Variants in TENM2 observed in about 807,000 individuals in gnomAD.
The protein encoded by TENM2 is teneurin transmembrane protein 2.
Under a neutral mutation model 245.2 loss-of-function variants are expected in TENM2, and 52 were observed. The observed-to-expected ratio is 0.21, with a 90% CI of 0.17 to 0.27. TENM2 has a LOEUF of 0.27. Among genes scored for constraint, TENM2 ranks in the 10% least tolerant of loss-of-function variants. The pLI is 1.00. For missense variants in TENM2, 3,046 were observed against 3,666.8 expected, an observed-to-expected ratio of 0.83 and a Z score of 4.37; for synonymous variants, 1,363 against 1,438.9, an observed-to-expected ratio of 0.95 and a Z score of 1.19.
At chr5:167,152,639 T>C in the TENM2 span, among the ~76,000 whole-genome samples, 1 of 152,304 alleles carries the variant, frequency 6.6e-6, no homozygotes, top group South Asian at 2.1e-4. Flanking sequence ...TCCCAGTTGA[T>C]ACTTGAAACC....
the TENM2 span, among the ~76,000 whole-genome samples, chr5:167,177,887 A>G: frequency 6.6e-6 from 1 of 152,220 alleles, no homozygotes; most frequent in East Asian, 1.9e-4. Context: ...GACGAACTGC[A>G]GCAGGTCCAT....
At chr5:168,148,522 A>G (rs1019890405) in intron 12 of TENM2, among the ~76,000 whole-genome samples, 3 of 152,214 alleles carry the variant, frequency 2.0e-5, no homozygotes, top group Non-Finnish European at 2.9e-5. Flanking sequence ...TTAGCTAAAA[A>G]CTGTTTAAAA....
intron 5 of TENM2, among the ~76,000 whole-genome samples, chr5:168,009,286 G>A (rs1785052393): frequency 6.6e-6 from 1 of 152,174 alleles, no homozygotes. Context: ...GAAGAAACTT[G>A]CCTTTTGATC....
At chr5:167,896,007 A>C (rs1032982675) in intron 3 of TENM2, among the ~76,000 whole-genome samples, 58 of 152,348 alleles carry the variant, frequency 3.8e-4, no homozygotes, top group African/African-American at 1.2e-3. Flanking sequence ...ACTTTAGTCT[A>C]GTTAATGGCA....
intron 7 of TENM2, among the ~76,000 whole-genome samples, chr5:168,081,827 T>A (rs1475285432): frequency 1.3e-5 from 2 of 152,228 alleles, no homozygotes; most frequent in Non-Finnish European, 2.9e-5. Flanking sequence ...CTTCTCTTTG[T>A]GGGTAACCAG....
chr5:167,973,970 C>G (rs1017506396), intron 4 of TENM2, among the ~76,000 whole-genome samples: 2 of 140,674 alleles, frequency 1.4e-5, no homozygotes, highest in African/African-American at 5.2e-5. Flanking sequence ...TTGAAGTTAA[C>G]CAGTGCCTCT....
At chr5:167,250,982 G>C in the TENM2 span, among the ~76,000 whole-genome samples, 1 of 152,070 alleles carries the variant, frequency 6.6e-6, no homozygotes, top group East Asian at 1.9e-4. Context: ...CAGGCAAATT[G>C]CTTCTCTCTT....
the TENM2 span, among the ~76,000 whole-genome samples, chr5:167,262,227 A>G: frequency 2.0e-5 from 3 of 152,104 alleles, no homozygotes; most frequent in Non-Finnish European, 4.4e-5. Context: ...GGGTGGTGGC[A>G]CATGCCTGTA....
At chr5:167,176,915 C>T in the TENM2 span, among the ~76,000 whole-genome samples, 1 of 152,192 alleles carries the variant, frequency 6.6e-6, no homozygotes, top group African/African-American at 2.4e-5. Context: ...ATCATTCCTT[C>T]TCACTTTCAG....
intron 5 of TENM2, among the ~76,000 whole-genome samples, chr5:167,998,339 T>G (rs1001657541): frequency 4.6e-5 from 7 of 152,250 alleles, no homozygotes; most frequent in African/African-American, 1.7e-4. Context: ...ATCATTGCTT[T>G]CTTGTCCTAG....
At chr5:168,105,009 A>C (rs190352960) in intron 9 of TENM2, among the ~76,000 whole-genome samples, 1 of 152,314 alleles carries the variant, frequency 6.6e-6, no homozygotes, top group African/African-American at 2.4e-5. Context: ...ATTAAAAGCA[A>C]GGGGGTAACA....
the TENM2 span, among the ~76,000 whole-genome samples, chr5:167,199,399 C>T: frequency 2.0e-5 from 3 of 152,014 alleles, no homozygotes; most frequent in African/African-American, 2.4e-5. Context: ...ATCAAATTTG[C>T]GGTCAACTTC....
intron 2 of TENM2, among the ~76,000 whole-genome samples, chr5:167,461,436 C>T (rs757451413): frequency 2.6e-5 from 4 of 152,158 alleles, no homozygotes; most frequent in Non-Finnish European, 5.9e-5. Context: ...GCACAGCCCC[C>T]ACCCTGACTT....
intron 2 of TENM2, among the ~76,000 whole-genome samples, chr5:167,476,656 T>C (rs1018350386): frequency 1.3e-5 from 2 of 152,198 alleles, no homozygotes; most frequent in African/African-American, 4.8e-5. Context: ...TGGGGTGCAA[T>C]GGCATGGTCT....
intron 3 of TENM2, chr5:167,948,709 A>G (rs966183636): frequency 2.6e-5 from 4 of 152,194 alleles, no homozygotes; most frequent in Non-Finnish European, 5.9e-5. Flanking sequence ...TACCTTATAT[A>G]GTTTCTTATG....
chr5:167,210,082 A>C, the TENM2 span, among the ~76,000 whole-genome samples: 1 of 152,344 alleles, frequency 6.6e-6, no homozygotes, highest in African/African-American at 2.4e-5. Flanking sequence ...TATGTAGCAC[A>C]TTGCATGGAT....
chr5:167,099,999 C>T, the TENM2 span, among the ~76,000 whole-genome samples: 1 of 152,154 alleles, frequency 6.6e-6, no homozygotes, highest in Non-Finnish European at 1.5e-5. Flanking sequence ...CTTCTAACGT[C>T]TTTCCTTTGG....
At chr5:168,255,970 T>A (rs924174964) in intron 27 of TENM2, among the ~76,000 whole-genome samples, 1 of 151,798 alleles carries the variant, frequency 6.6e-6, no homozygotes, top group Non-Finnish European at 1.5e-5. Flanking sequence ...CATGCCATGC[T>A]AATTTTTGTA....
In TENM2 at chr5:167,834,148, G is replaced by A. The variant is rs115514502; in HGVS notation, c.503-41838G>A. 8.4e-3 allele frequency among the ~76,000 whole-genome samples: 1,277 copies of A among 152,284 alleles called. 17 individuals are homozygous for A. The highest frequency in any genetic ancestry group is 0.029 in the African/African-American group (1,218 of 41,542). ...AGAGAATGAGTAATATTTGAAAAAC[G>A]AGAAATAGGGGGATGTGATAGAGAG... On this transcript the variant is annotated intron_variant, in intron 2 of 28. Coordinates refer to ENST00000518659, the Ensembl canonical transcript of TENM2.
Sources: gnomAD v4.1 joint callset for allele counts (sites outside exome capture counted in the v4.1 genomes callset) on GRCh38, gnomAD v4.1.1 for gene constraint, MANE v1.5 for transcripts, NCBI Gene and HGNC (gene_info 2026-07-23, HGNC 2026-07-21) for gene names.